Variants in GRIN2A observed in about 807,000 individuals in gnomAD.
The protein encoded by GRIN2A is glutamate ionotropic receptor NMDA type subunit 2A.
GRIN2A carries 22 observed loss-of-function variants against 113.4 expected under a neutral mutation model. That is an observed-to-expected ratio of 0.19 (90% CI 0.14 to 0.28). The LOEUF is 0.28. GRIN2A is among the 10% of genes least tolerant of loss of function. GRIN2A has a pLI of 1.00. For missense variants in GRIN2A, 1,502 were observed against 1,887.0 expected (o/e 0.80, Z 3.78); for synonymous variants, 827 against 738.4 (o/e 1.12, Z -1.94).
chr16:9,984,973 C>G lies in GRIN2A; in HGVS notation c.415-46422G>C, dbSNP rs570527125. ...ACACTCCTTCAGCTACAAACACACACATACCAGTATGTTCTCCTTCTCTCA... is the reference window on the plus strand; with the variant it reads ...ACACTCCTTCAGCTACAAACACACAGATACCAGTATGTTCTCCTTCTCTCA... On this transcript the variant is annotated intron_variant, in intron 2 of 12. Transcript: ENST00000330684. Among the ~76,000 whole-genome samples, 5 of 152,290 alleles carry G rather than the reference C, an allele frequency of 3.3e-5. No homozygotes were observed. The South Asian group carries it at 1.0e-3, about 32-fold the overall frequency.
At chr16:9,935,535 C>T (rs183889397) in intron 3 of GRIN2A, among the ~76,000 whole-genome samples, 9 of 149,964 alleles carry the variant, frequency 6.0e-5, no homozygotes, top group Admixed American at 6.0e-4. Context: ...CACACACACA[C>T]ACACACACAC....
At chr16:10,118,707 A>T (rs967743212) in intron 2 of GRIN2A, among the ~76,000 whole-genome samples, 8 of 152,174 alleles carry the variant, frequency 5.3e-5, no homozygotes, top group Non-Finnish European at 1.0e-4. Context: ...GCAGAAAGAG[A>T]ATTCTGCTAA....
chr16:10,181,250 C>T (rs2050266420), intron 1 of GRIN2A, among the ~76,000 whole-genome samples: 1 of 151,292 alleles, frequency 6.6e-6, no homozygotes, highest in Non-Finnish European at 1.5e-5. Flanking sequence ...CTCTCTCACG[C>T]GCGCCGTGTG....
At chr16:10,047,180 C>A (rs1208770705) in intron 2 of GRIN2A, among the ~76,000 whole-genome samples, 1 of 152,140 alleles carries the variant, frequency 6.6e-6, no homozygotes, top group Non-Finnish European at 1.5e-5. Flanking sequence ...TTGTTTCCTG[C>A]CCTCAAGTAA....
intron 3 of GRIN2A, among the ~76,000 whole-genome samples, chr16:9,909,240 T>C (rs1299140182): frequency 1.3e-5 from 2 of 152,124 alleles, no homozygotes; most frequent in Non-Finnish European, 2.9e-5. Context: ...AAGAAAAGCA[T>C]GGGAAAAACC....
At chr16:9,961,504 A>C (rs1369167673) in intron 2 of GRIN2A, among the ~76,000 whole-genome samples, 5 of 152,248 alleles carry the variant, frequency 3.3e-5, no homozygotes, top group African/African-American at 4.8e-5. Context: ...AAGTTCAAGA[A>C]CAAGCAAAAC....
At chr16:9,795,802 G>A (rs1902948099) in intron 11 of GRIN2A, among the ~76,000 whole-genome samples, 1 of 152,172 alleles carries the variant, frequency 6.6e-6, no homozygotes, top group African/African-American at 2.4e-5. Context: ...ATTTGTAAAT[G>A]GGACAGTAGA....
At chr16:9,900,566 C>A (rs992421463) in intron 3 of GRIN2A, among the ~76,000 whole-genome samples, 3 of 152,198 alleles carry the variant, frequency 2.0e-5, no homozygotes, top group African/African-American at 7.2e-5. Flanking sequence ...TTTGACCCAA[C>A]TGGCCAAAGA....
chr16:9,970,624 G>T, intron 2 of GRIN2A: 1 of 84,120 alleles, frequency 1.2e-5, no homozygotes, highest in Non-Finnish European at 1.6e-5. Flanking sequence ...TGCCTTAACT[G>T]ACTGTGAATT....
At chr16:10,160,925 T>G (rs1261999753) in intron 2 of GRIN2A, among the ~76,000 whole-genome samples, 1 of 152,166 alleles carries the variant, frequency 6.6e-6, no homozygotes, top group African/African-American at 2.4e-5. Context: ...GGTTTCGGGT[T>G]TCAAAGTGCA....
At chr16:9,782,541 A>G (rs1314858023) in intron 11 of GRIN2A, among the ~76,000 whole-genome samples, 1 of 152,216 alleles carries the variant, frequency 6.6e-6, no homozygotes, top group African/African-American at 2.4e-5. Context: ...ATGTGACATC[A>G]ATGTTTGACT....
chr16:10,124,561 G>T (rs960994506), intron 2 of GRIN2A, among the ~76,000 whole-genome samples: 1 of 152,170 alleles, frequency 6.6e-6, no homozygotes, highest in Non-Finnish European at 1.5e-5. Flanking sequence ...GATACAGACA[G>T]GGGCACTGAA....
intron 2 of GRIN2A, among the ~76,000 whole-genome samples, chr16:10,005,412 C>G (rs1411163112): frequency 6.6e-6 from 1 of 152,122 alleles, no homozygotes; most frequent in Admixed American, 6.5e-5. Flanking sequence ...CTCACATTAA[C>G]TGCTATTTTT....
intron 2 of GRIN2A, among the ~76,000 whole-genome samples, chr16:9,943,668 G>A (rs954113264): frequency 6.6e-6 from 1 of 151,880 alleles, no homozygotes; most frequent in African/African-American, 2.4e-5. Context: ...CACAGGATGA[G>A]AGGTTAAATG....
intron 11 of GRIN2A, among the ~76,000 whole-genome samples, chr16:9,771,964 A>G (rs1901298974): frequency 6.6e-6 from 1 of 152,124 alleles, no homozygotes; most frequent in Non-Finnish European, 1.5e-5. Flanking sequence ...TTTTCTTTTT[A>G]CAGACTAAGT....
intron 2 of GRIN2A, among the ~76,000 whole-genome samples, chr16:10,135,962 A>T (rs1194607363): frequency 6.6e-6 from 1 of 152,208 alleles, no homozygotes; most frequent in African/African-American, 2.4e-5. Context: ...TGTTGCATTC[A>T]TCATACTCCG....
intron 4 of GRIN2A, among the ~76,000 whole-genome samples, chr16:9,864,127 T>C (rs989720705): frequency 8.5e-5 from 13 of 152,232 alleles, no homozygotes; most frequent in Admixed American, 7.2e-4. Flanking sequence ...TCTAATGTAC[T>C]TTTTCTGGGT....
intron 2 of GRIN2A, among the ~76,000 whole-genome samples, chr16:10,013,955 T>C (rs930140085): frequency 2.0e-5 from 3 of 152,198 alleles, no homozygotes; most frequent in African/African-American, 7.2e-5. Context: ...CAGCTACCAG[T>C]CTGGGTCAAG....
At chr16:9,780,919 G>T (rs1170702224) in intron 11 of GRIN2A, among the ~76,000 whole-genome samples, 1 of 151,386 alleles carries the variant, frequency 6.6e-6, no homozygotes, top group East Asian at 1.9e-4. Flanking sequence ...GTCATGTTTA[G>T]TTAAATTCTT....
Sources: allele counts gnomAD v4.1 joint callset (sites outside exome capture counted in the v4.1 genomes callset), GRCh38; gene constraint gnomAD v4.1.1; transcripts MANE v1.5; gene names NCBI Gene and HGNC (gene_info 2026-07-23, HGNC 2026-07-21).